Variants in CTRB1 observed in about 807,000 individuals in gnomAD.
CTRB1 encodes chymotrypsinogen B.
CTRB1 carries 15 observed loss-of-function variants against 20.4 expected under a neutral mutation model. The observed-to-expected ratio is 0.74, with a 90% CI of 0.49 to 1.13. The LOEUF is 1.13. Among genes scored for constraint, CTRB1 ranks in the 50% most tolerant of loss-of-function variants. The pLI, the probability that CTRB1 is intolerant of heterozygous loss-of-function variation, is 0.00. For missense variants in CTRB1, 227 were observed against 290.1 expected, an observed-to-expected ratio of 0.78 and a Z score of 1.58; for synonymous variants, 92 against 128.4, an observed-to-expected ratio of 0.72 and a Z score of 1.92.
chr16:75,219,356 T>C (rs1416436084), intron 1 of CTRB1, among the ~76,000 whole-genome samples: 1 of 152,024 alleles, frequency 6.6e-6, no homozygotes, highest in African/African-American at 2.4e-5. Flanking sequence ...GGGGTTTTTA[T>C]TGTGCTGGGT....
chr16:75,224,411 C>G (rs1453977785), intron 6 of CTRB1, among the ~76,000 whole-genome samples: 2 of 152,200 alleles, frequency 1.3e-5, no homozygotes, highest in African/African-American at 4.8e-5. Context: ...CTCCAGCAGC[C>G]CTCCCTCCCT....
chr16:75,221,715 G>A (rs749960849), intron 1 of CTRB1, among the ~76,000 whole-genome samples: 1 of 148,016 alleles, frequency 6.8e-6, no homozygotes, highest in African/African-American at 2.4e-5. Flanking sequence ...GCTCATGCCT[G>A]TGATCTCAGC....
At chr16:75,219,120 A>G in intron 1 of CTRB1, 61 bp downstream of exon 1, 1 of 1,515,118 alleles carries the variant, frequency 6.6e-7, no homozygotes, top group Non-Finnish European at 8.9e-7. Context: ...TGAGAGGGGG[A>G]TCTGAGTCCC....
At chr16:75,223,359 CG>C (rs2076709228) in intron 4 of CTRB1, 88 bp from the exon 5 acceptor site, 1 of 1,458,212 alleles carries the variant, frequency 6.9e-7, no homozygotes, top group African/African-American at 1.4e-5. Context: ...TGCTCCTTAA[CG>C]GGCACCAGGG....
chr16:75,222,680 TG>T (rs2076703013), intron 1 of CTRB1, 87 bp from the exon 2 acceptor site: 1 of 1,411,846 alleles, frequency 7.1e-7, no homozygotes. Flanking sequence ...TTCAGTGGAC[TG>T]GGGTAGAACC....
At position 75,220,136 on chromosome 16, in the gene CTRB1, G is replaced by C. The variant is rs1335773298; in HGVS notation, c.52+1077G>C. Among the ~76,000 whole-genome samples, 4 of 139,794 alleles carry C rather than the reference G, an allele frequency of 2.9e-5. No homozygotes were observed. The East Asian group carries it at 6.3e-4, about 22-fold the overall frequency. The allele number at this position is 139,794 out of a possible 152,430, so 91.7% of individuals were successfully genotyped here. A position where few individuals can be genotyped will look rare whatever the true frequency, so the allele number is the denominator to read the frequency against. On this transcript the variant is annotated intron_variant, in intron 1 of 6. Coordinates refer to ENST00000361017, the MANE Select transcript of CTRB1 (RefSeq NM_001906.6). ...GTAGCTGGCGCTACAGGCACGCTAAGTTTAAAAACTTGTTTTGTTTTGTAG... is the reference window on the plus strand; with the variant it reads ...GTAGCTGGCGCTACAGGCACGCTAACTTTAAAAACTTGTTTTGTTTTGTAG...
intron 1 of CTRB1, among the ~76,000 whole-genome samples, chr16:75,219,441 G>C (rs2039048473): frequency 1.3e-5 from 2 of 151,818 alleles, no homozygotes; most frequent in Admixed American, 1.3e-4. Flanking sequence ...GCCGAGGCTG[G>C]AGTGCAATGG....
At chr16:75,221,158 G>T (rs2039078132) in intron 1 of CTRB1, among the ~76,000 whole-genome samples, 1 of 120,146 alleles carries the variant, frequency 8.3e-6, no homozygotes, top group East Asian at 3.1e-4. Flanking sequence ...GACCCCAGAA[G>T]GGGACAGCTG....
chr16:75,221,928 G>A (rs947034247), intron 1 of CTRB1, among the ~76,000 whole-genome samples: 5 of 151,820 alleles, frequency 3.3e-5, no homozygotes, highest in African/African-American at 1.2e-4. Context: ...GGGCTTGGTG[G>A]CGGGCACCTG....
In CTRB1 at chr16:75,221,859, G is replaced by A. The variant is rs554654048; in HGVS notation, c.53-909G>A. On this transcript the variant is annotated intron_variant, in intron 1 of 6. Coordinates refer to ENST00000361017, the MANE Select transcript of CTRB1 (RefSeq NM_001906.6). ...GGGTGGATCACAAGGTCAGGAGATC[G>A]AGACCATCCTGGCTAACACGGTGAA... 8.7e-4 allele frequency among the ~76,000 whole-genome samples: 132 copies of A among 151,458 alleles called. 1 individual carries two copies. Among genetic ancestry groups the A allele is most frequent in the African/African-American group, 2.8e-3 (117 of 41,360 alleles).
chr16:75,220,020 C>T (rs2039059355), intron 1 of CTRB1, among the ~76,000 whole-genome samples: 1 of 152,142 alleles, frequency 6.6e-6, no homozygotes, highest in Non-Finnish European at 1.5e-5. Context: ...GAGACAGGGT[C>T]TCACTCTGTC....
rs2076716129 is a variant in CTRB1 at position 75,224,245 on chromosome 16, G to C, written c.630+57G>C. ...GCGAGCGGGGTGCAGGGGAGGTCTGGGCTTTCCACCCCTCTCTGCTCTCAT... is the reference window on the plus strand; with the variant it reads ...GCGAGCGGGGTGCAGGGGAGGTCTGCGCTTTCCACCCCTCTCTGCTCTCAT... On this transcript the variant is annotated intron_variant, in intron 6 of 6. Coordinates refer to ENST00000361017, the MANE Select transcript of CTRB1 (RefSeq NM_001906.6). 4.6e-6 allele frequency: 7 copies of C among 1,511,602 alleles called. No individual in the cohort carries two copies. The East Asian group carries it at 1.7e-4, about 37-fold the overall frequency. The allele number at this position is 1,511,602 out of a possible 1,614,324, so 93.6% of individuals were successfully genotyped here. A position where few individuals can be genotyped will look rare whatever the true frequency, so the allele number is the denominator to read the frequency against.
intron 1 of CTRB1, among the ~76,000 whole-genome samples, chr16:75,221,327 A>G (rs1386582978): frequency 6.6e-6 from 1 of 152,034 alleles, no homozygotes; most frequent in Admixed American, 6.6e-5. Flanking sequence ...CCAATGTGCC[A>G]TTTTATGGTG....
At chr16:75,222,610 C>T (rs1567570152) in intron 1 of CTRB1, 158 bp from the exon 2 acceptor site, 2 of 752,144 alleles carry the variant, frequency 2.7e-6, no homozygotes, top group Non-Finnish European at 4.2e-6. Flanking sequence ...ACGTTTGAGC[C>T]TAGAGACTTG....
chr16:75,224,716 C>T lies in CTRB1; in HGVS notation c.642C>T (p.Gly214=), dbSNP rs200509242. 29 of 1,609,692 alleles carry T rather than the reference C, an allele frequency of 1.8e-5. No homozygotes were observed. The highest frequency in any genetic ancestry group is 3.4e-5 in the Admixed American group (2 of 58,910). The part of the protein sequence containing the change: ...SGVSSCMGDS[G]GPLVCQKDGA... ...TCCCTCTCCCACAGGGCGACTCTGGCGGCCCCCTGGTCTGCCAAAAGGATG... is the reference window on the plus strand; with the variant it reads ...TCCCTCTCCCACAGGGCGACTCTGGTGGCCCCCTGGTCTGCCAAAAGGATG... Residue 214 remains glycine (G), a synonymous_variant, in exon 7 of 7, where the codon GGC becomes GGT. Transcript: ENST00000361017.
intron 1 of CTRB1, among the ~76,000 whole-genome samples, chr16:75,222,024 G>A (rs1415544704): frequency 3.5e-5 from 5 of 144,342 alleles, no homozygotes; most frequent in Non-Finnish European, 7.5e-5. Flanking sequence ...TTGTGCCACT[G>A]TACTCCAGCC....
At chr16:75,220,573 G>A (rs1170014048) in intron 1 of CTRB1, among the ~76,000 whole-genome samples, 2 of 152,098 alleles carry the variant, frequency 1.3e-5, no homozygotes, top group Non-Finnish European at 2.9e-5. Flanking sequence ...TGGATTACAG[G>A]TGTGAGCCAC....
intron 1 of CTRB1, among the ~76,000 whole-genome samples, chr16:75,221,373 T>C (rs532577361): frequency 3.9e-5 from 6 of 152,240 alleles, no homozygotes; most frequent in Admixed American, 3.9e-4. Context: ...TTTTGATTTT[T>C]TCTTGAGATG....
chr16:75,222,474 A>T (rs1241952700), intron 1 of CTRB1: 3 of 492,332 alleles, frequency 6.1e-6, no homozygotes, highest in African/African-American at 5.8e-5. Context: ...CTCGAGGCTG[A>T]GCCCAGGCAG....
Sources: allele counts gnomAD v4.1 joint callset (sites outside exome capture counted in the v4.1 genomes callset), GRCh38; gene constraint gnomAD v4.1.1; transcripts MANE v1.5; gene names NCBI Gene and HGNC (gene_info 2026-07-23, HGNC 2026-07-21).